The following PSD3 variants were observed in gnomAD, a reference collection of about 807,000 sequenced individuals.
PSD3 encodes the protein PH and SEC7 domain-containing protein 3.
A neutral mutation model predicts 105.5 loss-of-function variants in PSD3; 49 were observed. The ratio of observed to expected loss-of-function variants is 0.46; its 90% confidence interval spans 0.37 to 0.59. The LOEUF (loss-of-function observed/expected upper bound fraction) is 0.59. Among genes scored for constraint, PSD3 ranks in the 20% least tolerant of loss-of-function variants. The pLI, the probability that PSD3 is intolerant of heterozygous loss-of-function variation, is 0.00. For missense variants in PSD3, 1,561 were observed against 1,263.8 expected, an observed-to-expected ratio of 1.24 and a Z score of -3.57; for synonymous variants, 557 against 457.8, an observed-to-expected ratio of 1.22 and a Z score of -2.77.
intron 12 of PSD3, among the ~76,000 whole-genome samples, chr8:18,596,713 T>C (rs1789971629): frequency 6.6e-6 from 1 of 151,618 alleles, no homozygotes; most frequent in Admixed American, 6.6e-5. Context: ...CACCAACAAA[T>C]TGGGAAACCT....
chr8:18,909,002 C>G (rs1185731370), intron 2 of PSD3, among the ~76,000 whole-genome samples: 1 of 152,170 alleles, frequency 6.6e-6, no homozygotes, highest in Non-Finnish European at 1.5e-5. Flanking sequence ...GGGTCTCAGT[C>G]TACTTTAATT....
At chr8:18,834,628 A>G (rs2129450718) in intron 4 of PSD3, among the ~76,000 whole-genome samples, 1 of 152,268 alleles carries the variant, frequency 6.6e-6, no homozygotes, top group East Asian at 1.9e-4. Context: ...TTAAACTATG[A>G]CTGGGTACGT....
chr8:18,654,454 A>C lies in PSD3; in HGVS notation c.2216+1188T>G, dbSNP rs142505663. 2.7e-3 allele frequency among the ~76,000 whole-genome samples: 405 copies of C among 152,338 alleles called. 3 individuals are homozygous for C. Among genetic ancestry groups the C allele is most frequent in the African/African-American group, 9.2e-3 (384 of 41,574 alleles). On this transcript the variant is annotated intron_variant, in intron 10 of 15. Transcript: ENST00000327040. ...AAAAAATAAAATCCACGAAGTTCTA[A>C]TTACAAAGAACACATTTTGACCTAA...
chr8:18,955,850 C>A (rs1266992122), intron 1 of PSD3, among the ~76,000 whole-genome samples: 1 of 152,068 alleles, frequency 6.6e-6, no homozygotes, highest in Non-Finnish European at 1.5e-5. Flanking sequence ...CTCACTTCAA[C>A]CTCCGCCTCC....
At chr8:18,998,972 A>G (rs751659473) in intron 1 of PSD3, among the ~76,000 whole-genome samples, 1 of 151,936 alleles carries the variant, frequency 6.6e-6, no homozygotes. Context: ...TATAAACCAC[A>G]TTTCTTAAAA....
At chr8:18,581,066 T>C (rs1233202302) in intron 12 of PSD3, among the ~76,000 whole-genome samples, 2 of 152,088 alleles carry the variant, frequency 1.3e-5, no homozygotes, top group Non-Finnish European at 2.9e-5. Flanking sequence ...AGAGAGAAAC[T>C]CTGAAGCTTT....
At chr8:19,036,340 C>T (rs1199873719) in intron 1 of PSD3, among the ~76,000 whole-genome samples, 3 of 152,094 alleles carry the variant, frequency 2.0e-5, no homozygotes, top group Admixed American at 2.0e-4. Context: ...GCCCAGTCCC[C>T]TCCCTTCTCC....
At position 18,974,600 on chromosome 8, in the gene PSD3, C is replaced by G. The variant is rs58389632; in HGVS notation, c.22-38458G>C. Among the ~76,000 whole-genome samples, 778 of 152,140 alleles carry G rather than the reference C, an allele frequency of 5.1e-3. 7 individuals carry two copies. The highest frequency in any genetic ancestry group is 0.018 in the African/African-American group (732 of 41,490). ...CACAGAGCAACAAGCAAAAGGAAACCCCACTCCCCTGGACCCTACATTCTA... is the reference window on the plus strand; with the variant it reads ...CACAGAGCAACAAGCAAAAGGAAACGCCACTCCCCTGGACCCTACATTCTA... On this transcript the variant is annotated intron_variant, in intron 1 of 15. Coordinates refer to ENST00000327040, the MANE Select transcript of PSD3 (RefSeq NM_015310.4).
chr8:18,834,216 G>C (rs1698002713), intron 4 of PSD3, among the ~76,000 whole-genome samples: 1 of 151,980 alleles, frequency 6.6e-6, no homozygotes, highest in Non-Finnish European at 1.5e-5. Flanking sequence ...TCATAAAGAA[G>C]GTATTTCTAA....
chr8:18,747,899 C>T (rs913986940), intron 9 of PSD3, among the ~76,000 whole-genome samples: 111 of 151,482 alleles, frequency 7.3e-4, no homozygotes, highest in Non-Finnish European at 8.1e-4. Flanking sequence ...CTTCAGGTTT[C>T]GGTGGAAGGT....
chr8:18,818,951 G>C (rs1812458056), intron 4 of PSD3, among the ~76,000 whole-genome samples: 1 of 152,072 alleles, frequency 6.6e-6, no homozygotes, highest in Non-Finnish European at 1.5e-5. Context: ...AGAATTCAGG[G>C]CATGTCTGCC....
intron 1 of PSD3, among the ~76,000 whole-genome samples, chr8:18,980,431 C>T (rs1001683007): frequency 2.0e-5 from 3 of 152,080 alleles, no homozygotes; most frequent in Non-Finnish European, 4.4e-5. Context: ...GAAAGTAGCA[C>T]CTAGTTGGGT....
At chr8:18,719,382 A>C (rs1802804609) in intron 9 of PSD3, among the ~76,000 whole-genome samples, 1 of 152,160 alleles carries the variant, frequency 6.6e-6, no homozygotes, top group Non-Finnish European at 1.5e-5. Context: ...GTTTTAGAGA[A>C]CTCCAGAGAA....
intron 15 of PSD3, among the ~76,000 whole-genome samples, chr8:18,543,663 T>C (rs1191102837): frequency 6.6e-6 from 1 of 151,544 alleles, no homozygotes; most frequent in South Asian, 2.1e-4. Flanking sequence ...TTCCCAAATA[T>C]GTAGGGAAAA....
intron 9 of PSD3, among the ~76,000 whole-genome samples, chr8:18,739,331 T>C (rs1213747640): frequency 6.6e-6 from 1 of 152,130 alleles, no homozygotes; most frequent in East Asian, 1.9e-4. Flanking sequence ...GTTCCCATAC[T>C]TAATTATTAG....
chr8:19,062,330 G>A (rs1187614693), intron 1 of PSD3, among the ~76,000 whole-genome samples: 1 of 152,200 alleles, frequency 6.6e-6, no homozygotes, highest in Non-Finnish European at 1.5e-5. Context: ...AGTTGGGATA[G>A]AAAGATGAAT....
intron 1 of PSD3, among the ~76,000 whole-genome samples, chr8:19,036,476 C>G (rs1204151235): frequency 2.0e-5 from 3 of 152,122 alleles, no homozygotes; most frequent in African/African-American, 7.2e-5. Flanking sequence ...GAAAAACCCA[C>G]CAGAGATCCT....
chr8:18,713,163 C>A (rs930938973), intron 9 of PSD3, among the ~76,000 whole-genome samples: 1 of 152,140 alleles, frequency 6.6e-6, no homozygotes, highest in Non-Finnish European at 1.5e-5. Flanking sequence ...TCATGACAAA[C>A]CCACAGCCAG....
chr8:19,009,779 C>T (rs1826869485), intron 1 of PSD3, among the ~76,000 whole-genome samples: 1 of 151,802 alleles, frequency 6.6e-6, no homozygotes, highest in African/African-American at 2.4e-5. Flanking sequence ...TGGTCCCAGC[C>T]ACTCGGGAGG....
Sources: gnomAD v4.1 joint callset for allele counts (sites outside exome capture counted in the v4.1 genomes callset) on GRCh38, gnomAD v4.1.1 for gene constraint, MANE v1.5 for transcripts, NCBI Gene and HGNC (gene_info 2026-07-23, HGNC 2026-07-21) for gene names.